CASP9: variants seen among roughly 807,000 people sequenced by gnomAD.
CASP9 encodes the protein caspase-9.
A neutral mutation model predicts 43.5 loss-of-function variants in CASP9; 29 were observed. The ratio of observed to expected loss-of-function variants is 0.67; its 90% CI spans 0.50 to 0.91. CASP9 has a LOEUF of 0.91. CASP9 is among the 40% of genes least tolerant of loss of function. CASP9 has a pLI of 0.00. For missense variants in CASP9, 575 were observed against 537.4 expected (o/e 1.07, Z -0.69); for synonymous variants, 206 against 211.9 (o/e 0.97, Z 0.24).
chr1:15,520,243 G>A (rs1008120542), intron 1 of CASP9, among the ~76,000 whole-genome samples: 2 of 152,176 alleles, frequency 1.3e-5, no homozygotes, highest in Admixed American at 6.5e-5. Flanking sequence ...TATATCACAT[G>A]ACCATTAAGC....
At chr1:15,514,322 T>C (rs1180140676) in intron 2 of CASP9, among the ~76,000 whole-genome samples, 1 of 152,214 alleles carries the variant, frequency 6.6e-6, no homozygotes, top group African/African-American at 2.4e-5. Context: ...TATTCACTTA[T>C]TAAAGGCTCT....
chr1:15,493,626 T>A, intron 8 of CASP9: 1 of 1,439,112 alleles, frequency 6.9e-7, no homozygotes, highest in Non-Finnish European at 9.1e-7. Flanking sequence ...ACCAGCTCCA[T>A]CAGTGGAGGA....
intron 2 of CASP9, among the ~76,000 whole-genome samples, chr1:15,512,234 T>A (rs1709781587): frequency 6.6e-6 from 1 of 152,210 alleles, no homozygotes; most frequent in Admixed American, 6.5e-5. Flanking sequence ...ATGGTTGAGT[T>A]CACAGGTCAA....
At chr1:15,522,744 C>T (rs1384079569) in intron 1 of CASP9, among the ~76,000 whole-genome samples, 1 of 152,112 alleles carries the variant, frequency 6.6e-6, no homozygotes, top group Non-Finnish European at 1.5e-5. Flanking sequence ...AATACTGGGC[C>T]ATTTGTTGAT....
intron 6 of CASP9, among the ~76,000 whole-genome samples, chr1:15,501,370 T>G (rs1709322152): frequency 6.6e-6 from 1 of 152,078 alleles, no homozygotes; most frequent in East Asian, 1.9e-4. Flanking sequence ...AAATTATTAT[T>G]TAAAAATGAT....
chr1:15,496,483 C>T (rs1259765590), intron 6 of CASP9, among the ~76,000 whole-genome samples: 1 of 152,128 alleles, frequency 6.6e-6, no homozygotes, highest in African/African-American at 2.4e-5. Context: ...TATCTCTACT[C>T]ACAAATGGTA....
intron 6 of CASP9, among the ~76,000 whole-genome samples, chr1:15,498,435 A>G (rs1396006106): frequency 2.0e-5 from 3 of 152,060 alleles, no homozygotes; most frequent in Non-Finnish European, 4.4e-5. Flanking sequence ...CTCCAGCCTC[A>G]AACTCCTGAG....
chr1:15,494,121 C>T (rs1004851358), intron 7 of CASP9, 120 bp from the exon 8 acceptor site: 4 of 1,225,118 alleles, frequency 3.3e-6, no homozygotes, highest in African/African-American at 3.0e-5. Context: ...TACATACATC[C>T]AACAGGAGCA....
intron 6 of CASP9, among the ~76,000 whole-genome samples, chr1:15,499,936 T>C (rs4646082): frequency 3.2e-4 from 48 of 152,268 alleles, no homozygotes; most frequent in African/African-American, 1.1e-3. Context: ...AGTGCCAAGC[T>C]TGGAAAACAG....
In CASP9 at chr1:15,506,099, G is replaced by A; in HGVS notation, c.631-20C>T. On this transcript the variant is annotated intron_variant, in intron 4 of 8. Coordinates refer to ENST00000333868, the MANE Select transcript of CASP9 (RefSeq NM_001229.5). ...CATTTTCTACAAGAGAGGGCTGCAG[G>A]TGAGCCAGAAGCACGGATAGGTCTA... 6.4e-7 allele frequency: 1 copy of A among 1,571,100 alleles called. No homozygotes were observed.
intron 2 of CASP9, among the ~76,000 whole-genome samples, chr1:15,509,690 A>T (rs149226660): frequency 3.9e-4 from 60 of 152,022 alleles, no homozygotes; most frequent in African/African-American, 1.4e-3. Flanking sequence ...GACACCAGAG[A>T]GTATAGAAAT....
intron 6 of CASP9, among the ~76,000 whole-genome samples, chr1:15,496,428 G>C (rs1271122781): frequency 6.6e-6 from 1 of 152,070 alleles, no homozygotes; most frequent in African/African-American, 2.4e-5. Flanking sequence ...AAGGAGGCAA[G>C]AAAAAGAAAT....
intron 1 of CASP9, among the ~76,000 whole-genome samples, chr1:15,519,521 G>A (rs1710095742): frequency 6.6e-6 from 1 of 152,108 alleles, no homozygotes; most frequent in Non-Finnish European, 1.5e-5. Flanking sequence ...AGACAGATAT[G>A]GCCTTTCAAA....
intron 6 of CASP9, among the ~76,000 whole-genome samples, chr1:15,504,223 G>T: frequency 6.6e-6 from 1 of 152,228 alleles, no homozygotes; most frequent in East Asian, 1.9e-4. Context: ...TCTCCATGCA[G>T]TTTAGCTGTG....
intron 1 of CASP9, 92 bp downstream of exon 1, chr1:15,523,977 G>T (rs943045267): frequency 1.0e-6 from 1 of 980,892 alleles, no homozygotes; most frequent in Middle Eastern, 3.2e-4. Flanking sequence ...GGGGTTTGAA[G>T]CCACAGGGAA....
chr1:15,521,813 G>A (rs758916732), intron 1 of CASP9, among the ~76,000 whole-genome samples: 20 of 152,044 alleles, frequency 1.3e-4, no homozygotes, highest in Middle Eastern at 3.4e-3. Context: ...TTATTTCTAC[G>A]ATCTCTCATC....
At position 15,492,050 on chromosome 1, in the gene CASP9, C is replaced by T. The variant is rs373708018; in HGVS notation, c.*893G>A. 1.3e-5 allele frequency: 2 copies of T among 152,084 alleles called. No homozygotes were observed. The highest frequency in any genetic ancestry group is 2.9e-5 in the Non-Finnish European group (2 of 68,114). The allele number at this position is 152,084 out of a possible 1,614,324, so 9.4% of individuals were successfully genotyped here. A position where few individuals can be genotyped will look rare whatever the true frequency, so the allele number is the denominator to read the frequency against. On this transcript the variant is annotated 3_prime_UTR_variant, in exon 9 of 9. Coordinates refer to ENST00000333868, the MANE Select transcript of CASP9 (RefSeq NM_001229.5). Reference sequence around the variant, plus strand: ...TGCCTTCCTGGGATGGGATAAGGATCAAGTGAAATAAGACATGAATAAATG... The same window carrying T: ...TGCCTTCCTGGGATGGGATAAGGATTAAGTGAAATAAGACATGAATAAATG...
At chr1:15,501,218 C>T (rs946245008) in intron 6 of CASP9, among the ~76,000 whole-genome samples, 3 of 152,202 alleles carry the variant, frequency 2.0e-5, no homozygotes, top group Non-Finnish European at 4.4e-5. Context: ...CCAAAATTGA[C>T]GGCTCAGCCT....
In CASP9 at chr1:15,504,734, C is replaced by A; in HGVS notation, c.745G>T (p.Ala249Ser). ...CQASHLQFPG[A>S]VYGTDGCPVS... Reference sequence around the variant, plus strand: ...GGGCATCCATCTGTGCCGTAGACAGCCCCTGGGAACTGCAGGTGGCTGGCC... The same window carrying A: ...GGGCATCCATCTGTGCCGTAGACAGACCCTGGGAACTGCAGGTGGCTGGCC... The change falls in exon 6 of 9, where the codon GCT (alanine) becomes TCT (serine). Residue 249 changes from alanine to serine, a missense_variant. Ala to Ser is a moderately conservative substitution (Grantham distance 99). Coordinates refer to ENST00000333868, the MANE Select transcript of CASP9 (RefSeq NM_001229.5). 6.2e-7 allele frequency: 1 copy of A among 1,613,628 alleles called. No homozygotes were observed. The highest frequency in any genetic ancestry group is 1.6e-4 in the Middle Eastern group (1 of 6,062).
Sources: allele counts gnomAD v4.1 joint callset (sites outside exome capture counted in the v4.1 genomes callset), GRCh38; gene constraint gnomAD v4.1.1; transcripts MANE v1.5; gene names NCBI Gene and HGNC (gene_info 2026-07-23, HGNC 2026-07-21).